Variants in CNTNAP2 observed in about 807,000 individuals in gnomAD.
CNTNAP2 encodes contactin-associated protein-like 2.
Under a neutral mutation model 155.2 loss-of-function variants are expected in CNTNAP2, and 98 were observed. The ratio of observed to expected loss-of-function variants is 0.63; its 90% CI spans 0.54 to 0.75. The LOEUF is 0.75. CNTNAP2 is among the 30% of genes least tolerant of loss of function. The pLI is 0.00. For missense variants in CNTNAP2, 1,727 were observed against 1,688.1 expected, an observed-to-expected ratio of 1.02 and a Z score of -0.40; for synonymous variants, 651 against 631.2, an observed-to-expected ratio of 1.03 and a Z score of -0.47.
At chr7:146,360,322 G>A (rs923933896) in intron 1 of CNTNAP2, among the ~76,000 whole-genome samples, 2 of 152,240 alleles carry the variant, frequency 1.3e-5, no homozygotes, top group Non-Finnish European at 2.9e-5. Flanking sequence ...TGAGCACAAA[G>A]ATAGACCTAA....
chr7:147,927,008 A>G (rs1461718728), intron 14 of CNTNAP2, among the ~76,000 whole-genome samples: 1 of 152,244 alleles, frequency 6.6e-6, no homozygotes, highest in African/African-American at 2.4e-5. Context: ...TTAAATTGAC[A>G]TTCACTTCCA....
chr7:147,827,363 C>G (rs17825248), intron 13 of CNTNAP2, among the ~76,000 whole-genome samples: 5,565 of 152,210 alleles, frequency 0.037, 171 homozygotes, highest in Middle Eastern at 0.061. Flanking sequence ...AGGAACCAAA[C>G]TTACCCAAGT....
At chr7:147,289,259 G>A (rs982501138) in intron 8 of CNTNAP2, among the ~76,000 whole-genome samples, 1 of 152,012 alleles carries the variant, frequency 6.6e-6, no homozygotes, top group African/African-American at 2.4e-5. Flanking sequence ...AGACTTAACG[G>A]CTTTACCACA....
chr7:147,075,373 GAA>G (rs1799975868), intron 4 of CNTNAP2, among the ~76,000 whole-genome samples: 1 of 151,928 alleles, frequency 6.6e-6, no homozygotes, highest in South Asian at 2.1e-4. Context: ...CATTTATCTA[GAA>G]CTTAAGAAAT....
intron 10 of CNTNAP2, among the ~76,000 whole-genome samples, chr7:147,409,949 C>G (rs1281506906): frequency 1.3e-5 from 2 of 152,104 alleles, no homozygotes; most frequent in East Asian, 3.9e-4. Context: ...TTATACACTA[C>G]CGGTGGAAAT....
At chr7:147,112,825 A>G (rs1800908692) in intron 5 of CNTNAP2, among the ~76,000 whole-genome samples, 1 of 151,558 alleles carries the variant, frequency 6.6e-6, no homozygotes, top group Non-Finnish European at 1.5e-5. Context: ...ATTTGCCCGA[A>G]GTTTTGTTGT....
At chr7:146,618,548 C>T (rs1282154472) in intron 1 of CNTNAP2, among the ~76,000 whole-genome samples, 1 of 152,014 alleles carries the variant, frequency 6.6e-6, no homozygotes, top group Non-Finnish European at 1.5e-5. Flanking sequence ...TTTTCAAAAT[C>T]CAAAGGACAA....
chr7:146,429,232 T>A (rs1290248495), intron 1 of CNTNAP2, among the ~76,000 whole-genome samples: 1 of 148,734 alleles, frequency 6.7e-6, no homozygotes, highest in South Asian at 2.1e-4. Flanking sequence ...TGGCACCATA[T>A]GAATTTTAAA....
chr7:146,929,618 G>T (rs533222288), intron 3 of CNTNAP2, among the ~76,000 whole-genome samples: 1 of 152,136 alleles, frequency 6.6e-6, no homozygotes, highest in Admixed American at 6.6e-5. Context: ...AGAGAATAAG[G>T]CTTCAGATGA....
intron 13 of CNTNAP2, among the ~76,000 whole-genome samples, chr7:147,655,796 C>T (rs936212144): frequency 4.6e-5 from 7 of 152,190 alleles, no homozygotes; most frequent in Non-Finnish European, 7.3e-5. Context: ...TAACCTGCTG[C>T]ATTAGCCCCT....
chr7:146,911,249 G>C (rs1462036856), intron 3 of CNTNAP2, among the ~76,000 whole-genome samples: 3 of 152,076 alleles, frequency 2.0e-5, no homozygotes, highest in Admixed American at 6.5e-5. Flanking sequence ...TCAGTGTGGT[G>C]ATTCCTCAGG....
At chr7:147,783,298 T>C (rs1294530136) in intron 13 of CNTNAP2, among the ~76,000 whole-genome samples, 1 of 152,226 alleles carries the variant, frequency 6.6e-6, no homozygotes, top group African/African-American at 2.4e-5. Flanking sequence ...GTTTAGTTGC[T>C]ATTGTTGTTT....
intron 3 of CNTNAP2, among the ~76,000 whole-genome samples, chr7:146,857,216 GGAGA>G (rs61258419): frequency 0.019 from 2,767 of 146,648 alleles, 55 homozygotes; most frequent in African/African-American, 0.02. Context: ...AGAAGGAGAG[GGAGA>G]GAGAGAGAGA....
intron 13 of CNTNAP2, among the ~76,000 whole-genome samples, chr7:147,772,448 A>C (rs1273302101): frequency 1.3e-4 from 6 of 44,756 alleles, no homozygotes; most frequent in Admixed American, 2.1e-4. Context: ...CTCTCTCGCT[A>C]TATATATATA....
rs181648920 is a variant in CNTNAP2, at chr7:148,082,498, A to T, written c.2384-35620A>T. On this transcript the variant is annotated intron_variant, in intron 15 of 23. Transcript: ENST00000361727. The stretch of plus-strand genomic sequence containing the variant: ...AGGCTAGGGAAGGAGATAGAGGAGG[A>T]GTGTGGTCAGAGACGCAAAAGGCAT... Among the ~76,000 whole-genome samples, 3 of 152,210 alleles carry T rather than the reference A, an allele frequency of 2.0e-5. No homozygotes were observed. In the East Asian group the frequency reaches 5.8e-4, roughly 29 times the overall value.
intron 13 of CNTNAP2, among the ~76,000 whole-genome samples, chr7:147,682,308 C>T (rs571957862): frequency 1.2e-4 from 18 of 151,880 alleles, no homozygotes; most frequent in African/African-American, 4.3e-4. Flanking sequence ...GTTTCTGAAG[C>T]CTAAAATATA....
At chr7:147,750,010 T>C (rs1167272711) in intron 13 of CNTNAP2, among the ~76,000 whole-genome samples, 1 of 152,220 alleles carries the variant, frequency 6.6e-6, no homozygotes, top group Non-Finnish European at 1.5e-5. Flanking sequence ...CCATCTCTAT[T>C]TATTTAAAAT....
chr7:148,411,834 G>T (rs1034148405), intron 23 of CNTNAP2, among the ~76,000 whole-genome samples: 1 of 142,478 alleles, frequency 7.0e-6, no homozygotes, highest in African/African-American at 2.6e-5. Flanking sequence ...TGGCACTTTT[G>T]TTAAAGCAAC....
intron 15 of CNTNAP2, among the ~76,000 whole-genome samples, chr7:148,113,789 G>C (rs147561908): frequency 1.4e-4 from 21 of 152,310 alleles, no homozygotes; most frequent in African/African-American, 4.8e-4. Flanking sequence ...CCAAGCTGCA[G>C]AGCCTTCAGT....
Sources: gnomAD v4.1 joint callset for allele counts (sites outside exome capture counted in the v4.1 genomes callset) on GRCh38, gnomAD v4.1.1 for gene constraint, MANE v1.5 for transcripts, NCBI Gene and HGNC (gene_info 2026-07-23, HGNC 2026-07-21) for gene names.